SH2D4A: variants seen among roughly 807,000 people sequenced by gnomAD.
SH2D4A encodes SH2 domain containing 4A.
A neutral mutation model predicts 64.7 loss-of-function variants in SH2D4A; 70 were observed. The observed-to-expected ratio is 1.08, with a 90% CI of 0.89 to 1.32. The LOEUF is 1.32. Among genes scored for constraint, SH2D4A ranks in the 40% most tolerant of loss-of-function variants. The pLI is 0.00. For synonymous variants in SH2D4A, 268 were observed against 200.7 expected, an observed-to-expected ratio of 1.34 and a Z score of -2.83; for missense variants, 706 against 540.1, an observed-to-expected ratio of 1.31 and a Z score of -3.04.
At position 19,333,057 on chromosome 8, in the gene SH2D4A, A is replaced by G. The variant is rs1369393307; in HGVS notation, c.284A>G (p.Asn95Ser). ...GATAAACCCTATGATGTGCTCTGTA[A>G]TGAAATTATTGCTGAGAGGGCCCGG... The part of the protein sequence containing the change: ...HLDKPYDVLC[N>S]EIIAERARLK... Residue 95 changes from asparagine (N) to serine (S), a missense_variant, in exon 3 of 10, where the codon AAT becomes AGT. Physicochemically the swap from Asn to Ser is conservative, Grantham distance 46. Transcript: ENST00000265807. 1 of 1,614,092 alleles carries G rather than the reference A, an allele frequency of 6.2e-7. No individual in the cohort carries two copies. The highest frequency in any genetic ancestry group is 2.2e-5 in the East Asian group (1 of 44,880).
intron 8 of SH2D4A, among the ~76,000 whole-genome samples, chr8:19,387,926 G>A (rs1336347042): frequency 2.0e-5 from 3 of 152,132 alleles, no homozygotes; most frequent in South Asian, 2.1e-4. Flanking sequence ...GATGAATAAC[G>A]CTAATAGTTC....
At position 19,332,807 on chromosome 8, in the gene SH2D4A, T is replaced by C. The variant is rs575836969; in HGVS notation, c.182-148T>C. On this transcript the variant is annotated intron_variant, in intron 2 of 9. Transcript: ENST00000265807. ...CACCACTGCCATTGCTACCTACAGA[T>C]GTTCCTGAGCAGTTGGAAGTTCTTT... 4 of 561,672 alleles carry C rather than the reference T, an allele frequency of 7.1e-6. No homozygotes were observed. In the East Asian group the frequency reaches 1.3e-4, roughly 18 times the overall value. The allele number at this position is 561,672 out of a possible 1,614,324, so 34.8% of individuals were successfully genotyped here.
In SH2D4A at chr8:19,393,391, C is replaced by T. The variant is rs1187444816; in HGVS notation, c.1122C>T (p.Val374=). ...TGCCCGGCAGTTTTCTCATCCGAGT[C>T]AGTGAAAGGATCAAAGGCTATGCCC... ...TGMPGSFLIR[V]SERIKGYALS... The change falls in exon 9 of 10, where the codon GTC becomes GTT. Residue 374 remains valine, a synonymous_variant. Transcript: ENST00000265807. 1.2e-6 allele frequency: 2 copies of T among 1,613,952 alleles called. No homozygotes were observed. Among genetic ancestry groups the T allele is most frequent in the African/African-American group, 1.3e-5 (1 of 74,934 alleles).
chr8:19,342,671 C>T (rs548107614), intron 4 of SH2D4A, among the ~76,000 whole-genome samples: 2 of 152,210 alleles, frequency 1.3e-5, no homozygotes, highest in African/African-American at 4.8e-5. Flanking sequence ...GCTGGGTCTT[C>T]TACCTTATTC....
intron 8 of SH2D4A, among the ~76,000 whole-genome samples, chr8:19,377,578 T>C (rs982411379): frequency 6.6e-6 from 1 of 152,218 alleles, no homozygotes; most frequent in Non-Finnish European, 1.5e-5. Flanking sequence ...GTTACACATA[T>C]TGTTTTCCCC....
intron 8 of SH2D4A, among the ~76,000 whole-genome samples, chr8:19,392,898 C>T (rs150749721): frequency 0.089 from 13,448 of 151,900 alleles, 643 homozygotes; most frequent in African/African-American, 0.11. Context: ...CTCGCCAAAA[C>T]GCCCGGCTAA....
chr8:19,321,420 G>C (rs906313943), intron 2 of SH2D4A, among the ~76,000 whole-genome samples: 2 of 152,078 alleles, frequency 1.3e-5, no homozygotes, highest in African/African-American at 4.8e-5. Flanking sequence ...CTCCATGTTG[G>C]CCAGGCTGGT....
chr8:19,393,547 G>A lies in SH2D4A; in HGVS notation c.1272+6G>A, dbSNP rs753864761. 2.5e-6 allele frequency: 4 copies of A among 1,613,714 alleles called. No homozygotes were observed. Among genetic ancestry groups the A allele is most frequent in the Non-Finnish European group, 3.4e-6 (4 of 1,179,878 alleles). On this transcript the variant is annotated splice_donor_region_variant and intron_variant, in intron 9 of 9. Transcript: ENST00000265807. ...ATTTGGTGGAATATCACAAGGTGAA[G>A]CAATGCATAAACTTAATTTGCCTTC...
intron 7 of SH2D4A, among the ~76,000 whole-genome samples, chr8:19,368,500 T>A (rs80090695): frequency 2.1e-4 from 32 of 152,234 alleles, no homozygotes; most frequent in African/African-American, 7.5e-4. Flanking sequence ...GGGATGTCTA[T>A]TTTTTTGTTG....
At chr8:19,355,225 G>T (rs1385944732) in intron 4 of SH2D4A, among the ~76,000 whole-genome samples, 1 of 152,042 alleles carries the variant, frequency 6.6e-6, no homozygotes, top group Non-Finnish European at 1.5e-5. Context: ...GCAAAACGGT[G>T]CCCCAAAGAT....
intron 8 of SH2D4A, among the ~76,000 whole-genome samples, chr8:19,381,325 C>G (rs1192643777): frequency 6.6e-6 from 1 of 152,216 alleles, no homozygotes; most frequent in Non-Finnish European, 1.5e-5. Context: ...TCTGGGATTA[C>G]AAGCATGAGC....
chr8:19,348,094 C>CGT (rs893949357), intron 4 of SH2D4A, among the ~76,000 whole-genome samples: 4 of 151,874 alleles, frequency 2.6e-5, no homozygotes, highest in Admixed American at 1.3e-4. Flanking sequence ...TTTTTGTGTG[C>CGT]GTGTGTGTGT....
Position 19,358,677 on chromosome 8 carries a change from T to C in SH2D4A, c.594+1394T>C, listed in dbSNP as rs76273535. ...TGAGCCAGCTTGCTAAGCTTCTCTG[T>C]AGAACAAAGGTGATAAAACAGAGGC... On this transcript the variant is annotated intron_variant, in intron 5 of 9. Coordinates refer to ENST00000265807, the MANE Select transcript of SH2D4A (RefSeq NM_022071.4). Among the ~76,000 whole-genome samples the C allele has an allele frequency of 5.2e-3, 791 of 152,248 alleles. 35 individuals carry two copies. The East Asian group carries it at 0.11, about 20-fold the overall frequency.
rs532463598 is a variant in SH2D4A, at chr8:19,314,016, G to C, written c.-205+193G>C. On this transcript the variant is annotated intron_variant, in intron 1 of 9. Coordinates refer to ENST00000265807, the MANE Select transcript of SH2D4A (RefSeq NM_022071.4). ...GCTCAGGTGCGGGGTTGGGCGGCGA[G>C]AGCGGCCGCGGCGGGTGTCCGGTGT... 1.9e-3 allele frequency: 2,337 copies of C among 1,229,958 alleles called. 40 individuals are homozygous for C. In the African/African-American group the frequency reaches 0.035, roughly 18 times the overall value. The allele number at this position is 1,229,958 out of a possible 1,614,324, so 76.2% of individuals were successfully genotyped here.
At chr8:19,381,932 G>C (rs997844498) in intron 8 of SH2D4A, among the ~76,000 whole-genome samples, 1 of 151,982 alleles carries the variant, frequency 6.6e-6, no homozygotes, top group South Asian at 2.1e-4. Context: ...TGTTAATACG[G>C]TGTGTTACAT....
chr8:19,316,711 G>C (rs893323041), intron 1 of SH2D4A, among the ~76,000 whole-genome samples: 1 of 152,202 alleles, frequency 6.6e-6, no homozygotes, highest in Non-Finnish European at 1.5e-5. Flanking sequence ...ACATCCTGCT[G>C]TTCTGATTCT....
intron 7 of SH2D4A, among the ~76,000 whole-genome samples, chr8:19,366,386 GAGC>G (rs1199403713): frequency 6.6e-6 from 1 of 152,132 alleles, no homozygotes; most frequent in African/African-American, 2.4e-5. Context: ...CTGTGCAGTA[GAGC>G]AGCAGAACTT....
At chr8:19,388,427 C>G (rs1473941202) in intron 8 of SH2D4A, among the ~76,000 whole-genome samples, 1 of 152,196 alleles carries the variant, frequency 6.6e-6, no homozygotes, top group Non-Finnish European at 1.5e-5. Context: ...AGCAGGGGCT[C>G]TGAGGTCAGC....
At chr8:19,359,954 A>C (rs1213135614) in intron 5 of SH2D4A, among the ~76,000 whole-genome samples, 1 of 152,232 alleles carries the variant, frequency 6.6e-6, no homozygotes, top group Non-Finnish European at 1.5e-5. Context: ...CTTTCTGGCC[A>C]TTTCAGTTTG....
Sources: allele counts gnomAD v4.1 joint callset (sites outside exome capture counted in the v4.1 genomes callset), GRCh38; gene constraint gnomAD v4.1.1; transcripts MANE v1.5; gene names NCBI Gene and HGNC (gene_info 2026-07-23, HGNC 2026-07-21).